The following AGMO variants were observed in gnomAD, a reference collection of about 807,000 sequenced individuals.
AGMO encodes glyceryl-ether monooxygenase.
In AGMO, 75 loss-of-function variants were observed where a neutral mutation model predicts 60.2. The ratio of observed to expected loss-of-function variants is 1.25; its 90% CI spans 1.03 to 1.51. The LOEUF (loss-of-function observed/expected upper bound fraction) is 1.51. AGMO is among the 40% of genes most tolerant of loss of function. The pLI is 0.00. For missense variants in AGMO, 763 were observed against 525.5 expected, an observed-to-expected ratio of 1.45 and a Z score of -4.42; for synonymous variants, 261 against 177.1, an observed-to-expected ratio of 1.47 and a Z score of -3.76.
chr7:15,357,129 A>T (rs531658996), intron 12 of AGMO, among the ~76,000 whole-genome samples: 3 of 151,798 alleles, frequency 2.0e-5, no homozygotes, highest in Non-Finnish European at 2.9e-5. Flanking sequence ...AAAAAGAAAA[A>T]AATAGACATT....
At position 15,415,543 on chromosome 7, in the gene AGMO, G is replaced by GA. The variant is rs993884775; in HGVS notation, c.609+3014dup. ...GGCAACAGAGTGAGACTACCTCAAA[G>GA]AAAAAAAAATATCATTGAATCATTC... is the stretch of plus-strand genomic sequence containing the variant. On this transcript the variant is annotated intron_variant, in intron 5 of 12. Transcript: ENST00000342526. Among the ~76,000 whole-genome samples, 625 of 149,712 alleles carry GA rather than the reference G, an allele frequency of 4.2e-3. 3 individuals are homozygous for GA. The highest frequency in any genetic ancestry group is 0.014 in the African/African-American group (584 of 40,864).
chr7:15,525,647 T>C (rs2128537971), intron 3 of AGMO, among the ~76,000 whole-genome samples: 1 of 152,140 alleles, frequency 6.6e-6, no homozygotes, highest in East Asian at 2.0e-4. Context: ...TCAGGACTCA[T>C]CAAATGCAGG....
chr7:15,120,258 C>T, the AGMO span, among the ~76,000 whole-genome samples: 3 of 152,038 alleles, frequency 2.0e-5, no homozygotes, highest in Non-Finnish European at 4.4e-5. Flanking sequence ...AAAATGCTTT[C>T]CCAAGGTCAC....
At position 15,254,238 on chromosome 7, in the gene AGMO, T is replaced by C. The variant is rs1318325400; in HGVS notation, c.1264-52879A>G. 2.0e-5 allele frequency among the ~76,000 whole-genome samples: 3 copies of C among 152,188 alleles called. No individual in the cohort carries two copies. In the East Asian group the frequency reaches 5.8e-4, roughly 29 times the overall value. On this transcript the variant is annotated intron_variant, in intron 12 of 12. Coordinates refer to ENST00000342526, the MANE Select transcript of AGMO (RefSeq NM_001004320.2). ...CTCTAACATATTGGTTTTATTTCTT[T>C]TCAATATTTACACAGTAGTGGGATT...
intron 5 of AGMO, among the ~76,000 whole-genome samples, chr7:15,408,267 T>C (rs1784756647): frequency 6.6e-6 from 1 of 151,828 alleles, no homozygotes; most frequent in Non-Finnish European, 1.5e-5. Flanking sequence ...TGATTTTATC[T>C]TGGGGACAAG....
chr7:15,343,765 T>A (rs996066704), intron 12 of AGMO, among the ~76,000 whole-genome samples: 41 of 152,132 alleles, frequency 2.7e-4, no homozygotes, highest in African/African-American at 9.7e-4. Flanking sequence ...GGTGTTAGTG[T>A]CTACCTTTCA....
the AGMO span, among the ~76,000 whole-genome samples, chr7:15,195,197 T>C: frequency 2.0e-5 from 3 of 152,094 alleles, no homozygotes; most frequent in African/African-American, 4.8e-5. Context: ...AAAGCAGTCA[T>C]TGTCTGGGAT....
intron 5 of AGMO, among the ~76,000 whole-genome samples, chr7:15,410,344 A>T (rs28672944): frequency 0.097 from 14,678 of 151,848 alleles, 838 homozygotes; most frequent in South Asian, 0.15. Context: ...TGAACTTGTC[A>T]TATGTAATAA....
At chr7:15,286,347 T>C (rs112948579) in intron 12 of AGMO, among the ~76,000 whole-genome samples, 1 of 151,596 alleles carries the variant, frequency 6.6e-6, no homozygotes, top group African/African-American at 2.4e-5. Context: ...ATATTCAGAA[T>C]CCACAAAGAG....
intron 12 of AGMO, among the ~76,000 whole-genome samples, chr7:15,315,360 A>C (rs1780892169): frequency 1.4e-5 from 1 of 70,650 alleles, no homozygotes; most frequent in Non-Finnish European, 2.4e-5. Context: ...TTTTTTTGAG[A>C]CAGAGTCTCA....
intron 3 of AGMO, among the ~76,000 whole-genome samples, chr7:15,524,027 A>G (rs1784063693): frequency 6.6e-6 from 1 of 152,116 alleles, no homozygotes; most frequent in African/African-American, 2.4e-5. Context: ...ATTGAAGCCT[A>G]GTAGTAAACT....
At chr7:15,240,875 T>C (rs1293749210) in intron 12 of AGMO, among the ~76,000 whole-genome samples, 1 of 151,972 alleles carries the variant, frequency 6.6e-6, no homozygotes, top group Admixed American at 6.5e-5. Context: ...TTTTTTCCAA[T>C]ATGAGAAAGC....
intron 12 of AGMO, among the ~76,000 whole-genome samples, chr7:15,315,403 T>C (rs552554534): frequency 1.3e-3 from 175 of 131,642 alleles, no homozygotes; most frequent in African/African-American, 4.2e-3. Flanking sequence ...AGTGGCGCGA[T>C]CTAGGCTAAC....
chr7:15,263,091 A>T (rs1329426492), intron 12 of AGMO, among the ~76,000 whole-genome samples: 2 of 152,166 alleles, frequency 1.3e-5, no homozygotes. Flanking sequence ...GACTTAATTA[A>T]ACTAAAAAGC....
chr7:15,306,886 A>G (rs1226898686), intron 12 of AGMO, among the ~76,000 whole-genome samples: 7 of 152,046 alleles, frequency 4.6e-5, no homozygotes, highest in Admixed American at 3.3e-4. Flanking sequence ...AACAGAGGTA[A>G]TGAACTCTTT....
intron 3 of AGMO, among the ~76,000 whole-genome samples, chr7:15,467,788 T>C (rs1205977120): frequency 1.3e-5 from 2 of 152,192 alleles, no homozygotes; most frequent in Non-Finnish European, 2.9e-5. Context: ...CATAATTCTA[T>C]AATTTTAAGG....
At chr7:15,364,318 T>C (rs973148024) in intron 12 of AGMO, among the ~76,000 whole-genome samples, 2 of 151,968 alleles carry the variant, frequency 1.3e-5, no homozygotes, top group South Asian at 2.1e-4. Context: ...TAAAATACAT[T>C]TATATATTTA....
intron 12 of AGMO, among the ~76,000 whole-genome samples, chr7:15,234,866 G>A (rs1782371016): frequency 6.6e-6 from 1 of 152,030 alleles, no homozygotes; most frequent in South Asian, 2.1e-4. Flanking sequence ...TTCTTGGCTT[G>A]TGTGCAGTAC....
intron 12 of AGMO, among the ~76,000 whole-genome samples, chr7:15,254,863 A>G (rs1240617843): frequency 6.6e-6 from 1 of 152,140 alleles, no homozygotes; most frequent in Non-Finnish European, 1.5e-5. Flanking sequence ...ACAAATTAGA[A>G]AACATAGAAG....
Sources: allele counts gnomAD v4.1 joint callset (sites outside exome capture counted in the v4.1 genomes callset), GRCh38; gene constraint gnomAD v4.1.1; transcripts MANE v1.5; gene names NCBI Gene and HGNC (gene_info 2026-07-23, HGNC 2026-07-21).